Variants in ERCC6L2 observed in about 807,000 individuals in gnomAD.
ERCC6L2 encodes the protein ERCC excision repair 6 like 2, also known as DNA excision repair protein ERCC-6-like 2.
Under a neutral mutation model 132.0 loss-of-function variants are expected in ERCC6L2, and 77 were observed. The observed-to-expected ratio is 0.58, with a 90% CI of 0.49 to 0.71. The LOEUF is 0.71. Among genes scored for constraint, ERCC6L2 ranks in the 30% least tolerant of loss-of-function variants. ERCC6L2 has a pLI of 0.00. For synonymous variants in ERCC6L2, 583 were observed against 632.4 expected (o/e 0.92, Z 1.17); for missense variants, 1,542 against 1,837.6 (o/e 0.84, Z 2.94).
chr9:95,963,999 A>G (rs114644124), intron 13 of ERCC6L2, among the ~76,000 whole-genome samples: 2,721 of 152,084 alleles, frequency 0.018, 88 homozygotes, highest in African/African-American at 0.061. Context: ...TTTCTTTGTA[A>G]TTGATATGTA....
chr9:95,942,991 A>G (rs935158021), intron 12 of ERCC6L2, among the ~76,000 whole-genome samples: 4 of 152,198 alleles, frequency 2.6e-5, no homozygotes, highest in African/African-American at 9.7e-5. Context: ...CAGACTTTGA[A>G]GAACATACAT....
chr9:95,995,844 G>A (rs894342212), intron 17 of ERCC6L2, among the ~76,000 whole-genome samples: 2 of 152,202 alleles, frequency 1.3e-5, no homozygotes, highest in African/African-American at 2.4e-5. Flanking sequence ...CTTAATAAAT[G>A]TGTGTGTTCC....
At position 96,004,579 on chromosome 9, in the gene ERCC6L2, G is replaced by T. The variant is rs12683634; in HGVS notation, c.3552G>T (p.Pro1184=). ...TLPHTKKGQQ[P]SEGSISLPLY... ...CACACACAAAGAAAGGCCAGCAACCGAGTGAAGGCAGCATTTCACTTCCTC... is the reference window on the plus strand; with the variant it reads ...CACACACAAAGAAAGGCCAGCAACCTAGTGAAGGCAGCATTTCACTTCCTC... The change falls in exon 18 of 19, where the codon CCG becomes CCT. Residue 1184 remains proline (P), a synonymous_variant. Coordinates refer to ENST00000653738, the MANE Select transcript of ERCC6L2 (RefSeq NM_020207.7). The T allele has an allele frequency of 0.12, 162,917 of 1,311,312 alleles. 11,074 individuals carry two copies. The highest frequency in any genetic ancestry group is 0.23 in the South Asian group (18,844 of 81,316). 81.2% of individuals were successfully genotyped at this position (1,311,312 alleles called of 1,614,324 possible).
chr9:95,926,634 A>C (rs1239358858), intron 9 of ERCC6L2, among the ~76,000 whole-genome samples: 4 of 152,150 alleles, frequency 2.6e-5, no homozygotes, highest in African/African-American at 9.7e-5. Context: ...GGGAGGAAAG[A>C]ATGAGTAGGT....
At chr9:95,914,988 A>G (rs1162940569) in intron 4 of ERCC6L2, among the ~76,000 whole-genome samples, 1 of 151,892 alleles carries the variant, frequency 6.6e-6, no homozygotes, top group Non-Finnish European at 1.5e-5. Context: ...GAACTCCTGG[A>G]TTTTTGTTTA....
chr9:95,914,487 G>A (rs1430342196), intron 4 of ERCC6L2, among the ~76,000 whole-genome samples: 2 of 152,078 alleles, frequency 1.3e-5, no homozygotes, highest in African/African-American at 4.8e-5. Context: ...CTGAGTAGCC[G>A]GGACTACAGG....
At chr9:95,886,876 A>G (rs1416503477) in intron 2 of ERCC6L2, among the ~76,000 whole-genome samples, 3 of 152,200 alleles carry the variant, frequency 2.0e-5, no homozygotes, top group African/African-American at 7.2e-5. Flanking sequence ...AGAAGTAAGC[A>G]GGCAGAAAAA....
chr9:95,975,158 A>C (rs1235737750), intron 16 of ERCC6L2, among the ~76,000 whole-genome samples: 2 of 152,138 alleles, frequency 1.3e-5, no homozygotes, highest in Non-Finnish European at 2.9e-5. Flanking sequence ...GATACATTGC[A>C]TTGTATACTA....
chr9:95,970,712 AT>A, intron 15 of ERCC6L2, 56 bp downstream of exon 15: 1 of 1,151,038 alleles, frequency 8.7e-7, no homozygotes, highest in Non-Finnish European at 1.1e-6. Context: ...TACTGTGACA[AT>A]TTTGTTTCTT....
chr9:95,960,000 C>T (rs1400403662), intron 13 of ERCC6L2, among the ~76,000 whole-genome samples: 1 of 152,084 alleles, frequency 6.6e-6, no homozygotes, highest in Non-Finnish European at 1.5e-5. Context: ...TTCAGGGTAT[C>T]ACTGATGGTG....
intron 2 of ERCC6L2, among the ~76,000 whole-genome samples, chr9:95,897,030 C>T (rs2132601993): frequency 6.6e-6 from 1 of 151,860 alleles, no homozygotes; most frequent in East Asian, 1.9e-4. Context: ...TTTTCTAATT[C>T]TCACATAGTT....
At chr9:95,974,457 G>GA (rs1392430929) in intron 16 of ERCC6L2, among the ~76,000 whole-genome samples, 2 of 152,232 alleles carry the variant, frequency 1.3e-5, no homozygotes, top group East Asian at 3.9e-4. Flanking sequence ...GGATAGAGGG[G>GA]AATCTCTGAC....
intron 3 of ERCC6L2, among the ~76,000 whole-genome samples, chr9:95,899,058 T>TG (rs1828618197): frequency 6.6e-6 from 1 of 152,080 alleles, no homozygotes; most frequent in Admixed American, 6.6e-5. Context: ...TATATATATC[T>TG]CTTTTATGCC....
chr9:96,010,115 T>C (rs1770489527), intron 18 of ERCC6L2, among the ~76,000 whole-genome samples: 1 of 152,268 alleles, frequency 6.6e-6, no homozygotes, highest in South Asian at 2.1e-4. Flanking sequence ...AAGAACATGC[T>C]TGTTACTTTC....
At chr9:96,007,550 A>G (rs1049063718) in intron 18 of ERCC6L2, among the ~76,000 whole-genome samples, 3 of 152,226 alleles carry the variant, frequency 2.0e-5, no homozygotes, top group Non-Finnish European at 4.4e-5. Flanking sequence ...TTCTGAGAAA[A>G]GAATGGTCTG....
chr9:95,876,000 T>C lies in ERCC6L2; in HGVS notation c.-39T>C, dbSNP rs917768404. 4.8e-5 allele frequency: 76 copies of C among 1,567,292 alleles called. No individual in the cohort carries two copies. Among genetic ancestry groups the C allele is most frequent in the Non-Finnish European group, 6.0e-5 (69 of 1,157,308 alleles). On this transcript the variant is annotated 5_prime_UTR_variant, in exon 1 of 19. Transcript: ENST00000653738. ...TTGCTGTCCTCCGCCGCCTTCCGGG[T>C]GTTACATGCAGCCGGGCTCGGCCCC...
chr9:95,880,683 G>A (rs538045329), intron 1 of ERCC6L2, among the ~76,000 whole-genome samples, 186 bp from the exon 2 acceptor site: 106 of 152,168 alleles, frequency 7.0e-4, no homozygotes, highest in Non-Finnish European at 1.4e-3. Context: ...CCTTTATTCT[G>A]TTTATTATAG....
intron 11 of ERCC6L2, among the ~76,000 whole-genome samples, chr9:95,932,463 A>G (rs1830382983): frequency 1.3e-5 from 2 of 151,980 alleles, no homozygotes; most frequent in Non-Finnish European, 2.9e-5. Context: ...CTAGCTTTTT[A>G]TAGTCATTTC....
chr9:95,888,104 T>C (rs1186543115), intron 2 of ERCC6L2, among the ~76,000 whole-genome samples: 2 of 152,066 alleles, frequency 1.3e-5, no homozygotes, highest in African/African-American at 2.4e-5. Flanking sequence ...AAAAATACTT[T>C]TGAAGTGTGG....
Sources: gnomAD v4.1 joint callset for allele counts (sites outside exome capture counted in the v4.1 genomes callset) on GRCh38, gnomAD v4.1.1 for gene constraint, MANE v1.5 for transcripts, NCBI Gene and HGNC (gene_info 2026-07-23, HGNC 2026-07-21) for gene names.